Variants in MEGF11 observed in about 807,000 individuals in gnomAD.
MEGF11 encodes multiple epidermal growth factor-like domains protein 11.
In MEGF11, 126 loss-of-function variants were observed where a neutral mutation model predicts 146.6. That is an observed-to-expected ratio of 0.86 (90% CI 0.74 to 1.00). The LOEUF (loss-of-function observed/expected upper bound fraction) is 1.00. MEGF11 is among the 50% of genes least tolerant of loss of function. The probability of loss-of-function intolerance (pLI) is 0.00; values close to 1 mark genes in which losing one functional copy is unlikely to be tolerated. For synonymous variants in MEGF11, 532 were observed against 583.4 expected (o/e 0.91, Z 1.27); for missense variants, 1,509 against 1,521.2 (o/e 0.99, Z 0.13).
chr15:65,914,696 T>C (rs765448723), intron 19 of MEGF11, among the ~76,000 whole-genome samples: 7 of 152,154 alleles, frequency 4.6e-5, no homozygotes, highest in Non-Finnish European at 8.8e-5. Flanking sequence ...CCAACATCAC[T>C]AGGGAGGTAA....
At chr15:66,232,074 C>T (rs949187233) in intron 1 of MEGF11, among the ~76,000 whole-genome samples, 5 of 152,230 alleles carry the variant, frequency 3.3e-5, no homozygotes, top group African/African-American at 1.2e-4. Flanking sequence ...TGAACCCAGG[C>T]AGGAGGAGTC....
chr15:66,053,069 T>C (rs760228386), intron 5 of MEGF11, among the ~76,000 whole-genome samples: 4 of 152,160 alleles, frequency 2.6e-5, no homozygotes, highest in East Asian at 1.9e-4. Flanking sequence ...GATAGATGGA[T>C]GGATGCATGA....
chr15:65,957,504 C>T (rs537371536), intron 10 of MEGF11, 43 bp downstream of exon 10: 25 of 1,582,642 alleles, frequency 1.6e-5, no homozygotes, highest in Middle Eastern at 2.1e-4. Flanking sequence ...GGAACTGGCC[C>T]GGTGGAGGTC....
chr15:66,171,113 T>C (rs2090241790), intron 1 of MEGF11, among the ~76,000 whole-genome samples: 1 of 152,222 alleles, frequency 6.6e-6, no homozygotes, highest in African/African-American at 2.4e-5. Flanking sequence ...AAGAAGCTGC[T>C]GAAGAGGACT....
chr15:66,157,503 C>T (rs1041109840), intron 1 of MEGF11, among the ~76,000 whole-genome samples: 2 of 152,206 alleles, frequency 1.3e-5, no homozygotes, highest in African/African-American at 4.8e-5. Context: ...AGAAGGGCAC[C>T]TACTATGTAC....
chr15:66,209,206 C>T (rs187529470), intron 1 of MEGF11, among the ~76,000 whole-genome samples: 51 of 152,154 alleles, frequency 3.4e-4, no homozygotes, highest in Middle Eastern at 3.4e-3. Flanking sequence ...AAAAATTAGC[C>T]GGGCGTGGTG....
chr15:66,197,450 T>C (rs2091035882), intron 1 of MEGF11, among the ~76,000 whole-genome samples: 1 of 152,080 alleles, frequency 6.6e-6, no homozygotes, highest in Admixed American at 6.6e-5. Context: ...TTGAGACGAG[T>C]CTCGCTCTAT....
intron 1 of MEGF11, among the ~76,000 whole-genome samples, chr15:66,189,146 T>G (rs1481435305): frequency 1.3e-5 from 2 of 152,166 alleles, no homozygotes; most frequent in Non-Finnish European, 2.9e-5. Context: ...AAAAGTTACT[T>G]TAAATTATTT....
At chr15:66,064,358 G>A (rs2085028599) in intron 5 of MEGF11, among the ~76,000 whole-genome samples, 1 of 151,960 alleles carries the variant, frequency 6.6e-6, no homozygotes, top group Non-Finnish European at 1.5e-5. Flanking sequence ...AACAGAGCAA[G>A]ACTCTGTTTG....
chr15:66,131,805 C>A (rs528044608), intron 1 of MEGF11, among the ~76,000 whole-genome samples: 184 of 152,266 alleles, frequency 1.2e-3, no homozygotes, highest in African/African-American at 4.2e-3. Context: ...ATAAAGAGAC[C>A]ATTTGACTTT....
At chr15:66,091,469 A>G (rs1259513415) in intron 5 of MEGF11, among the ~76,000 whole-genome samples, 1 of 152,256 alleles carries the variant, frequency 6.6e-6, no homozygotes, top group African/African-American at 2.4e-5. Flanking sequence ...AGGTAGAGTT[A>G]TAAGTTACAA....
chr15:65,930,098 G>T (rs566908203), intron 11 of MEGF11, among the ~76,000 whole-genome samples: 70 of 152,312 alleles, frequency 4.6e-4, no homozygotes, highest in African/African-American at 1.5e-3. Flanking sequence ...GGTGCTCATT[G>T]TTTGTGCTGC....
rs145628812 is a variant in MEGF11, at chr15:66,102,847, C to T, written c.302-8353G>A. On this transcript the variant is annotated intron_variant, in intron 4 of 25. Coordinates refer to ENST00000395614, the MANE Select transcript of MEGF11 (RefSeq NM_001385028.1). ...AGAACTGAAAACTTGTTTCCTTTGG[C>T]CCTTGGCCTAGCGGTACAGCTTTCT... Among the ~76,000 whole-genome samples, 141 of 152,330 alleles carry T rather than the reference C, an allele frequency of 9.3e-4. 1 individual carries two copies. The highest frequency in any genetic ancestry group is 3.3e-3 in the African/African-American group (136 of 41,570).
chr15:66,132,118 G>A (rs574935854), intron 1 of MEGF11, among the ~76,000 whole-genome samples: 1 of 152,316 alleles, frequency 6.6e-6, no homozygotes, highest in Non-Finnish European at 1.5e-5. Flanking sequence ...GGCCTGGATC[G>A]GCTTTGCTGG....
intron 5 of MEGF11, among the ~76,000 whole-genome samples, chr15:65,983,404 C>T (rs1415711568): frequency 6.6e-6 from 1 of 152,180 alleles, no homozygotes; most frequent in African/African-American, 2.4e-5. Flanking sequence ...TGACCCTCCC[C>T]GATGCATATG....
chr15:65,921,436 G>A (rs898222262), intron 15 of MEGF11, among the ~76,000 whole-genome samples: 4 of 152,164 alleles, frequency 2.6e-5, no homozygotes, highest in African/African-American at 9.7e-5. Flanking sequence ...GCATGCCCAT[G>A]TCTCTGTGCT....
intron 9 of MEGF11, among the ~76,000 whole-genome samples, chr15:65,960,049 G>A (rs1393282235): frequency 6.6e-6 from 1 of 152,174 alleles, no homozygotes; most frequent in Non-Finnish European, 1.5e-5. Context: ...AGTGAAATAA[G>A]CACTTTGTAT....
chr15:65,935,423 G>GCCTGAGC (rs1185536857), intron 10 of MEGF11, among the ~76,000 whole-genome samples: 2 of 148,218 alleles, frequency 1.3e-5, no homozygotes, highest in African/African-American at 5.0e-5. Context: ...CAGTCTTGGG[G>GCCTGAGC]CCTGAGCCCT....
intron 5 of MEGF11, among the ~76,000 whole-genome samples, chr15:66,000,492 A>G (rs1353397484): frequency 7.2e-5 from 11 of 152,076 alleles, no homozygotes; most frequent in African/African-American, 2.4e-4. Context: ...TAACTGCACC[A>G]CTGCAGTCCA....
Sources: gnomAD v4.1 joint callset for allele counts (sites outside exome capture counted in the v4.1 genomes callset) on GRCh38, gnomAD v4.1.1 for gene constraint, MANE v1.5 for transcripts, NCBI Gene and HGNC (gene_info 2026-07-23, HGNC 2026-07-21) for gene names.